The following CSMD1 variants were observed in gnomAD, a reference collection of about 807,000 sequenced individuals.
The protein encoded by CSMD1 is CUB and sushi domain-containing protein 1.
A neutral mutation model predicts 417.5 loss-of-function variants in CSMD1; 213 were observed. The ratio of observed to expected loss-of-function variants is 0.51; its 90% CI spans 0.46 to 0.57. The LOEUF (loss-of-function observed/expected upper bound fraction) is 0.57. Ranked by LOEUF, CSMD1 falls within the 20% of genes least tolerant of loss-of-function variation. The pLI is 0.00. For missense variants in CSMD1, 6,923 were observed against 4,529.7 expected (o/e 1.53, Z -15.17); for synonymous variants, 2,862 against 1,736.8 (o/e 1.65, Z -16.11).
intron 49 of CSMD1, 58 bp downstream of exon 49, chr8:3,087,039 G>A: frequency 4.3e-6 from 6 of 1,411,454 alleles, no homozygotes; most frequent in Admixed American, 1.7e-5. Flanking sequence ...TTCAGAGAGT[G>A]ATTAAAATGA....
chr8:4,650,879 C>G (rs1803852766), intron 1 of CSMD1, among the ~76,000 whole-genome samples: 1 of 152,182 alleles, frequency 6.6e-6, no homozygotes, highest in African/African-American at 2.4e-5. Flanking sequence ...AGTATGTGAA[C>G]AGAAGTGTTG....
At chr8:3,211,665 G>A (rs1426968158) in intron 30 of CSMD1, among the ~76,000 whole-genome samples, 1 of 152,216 alleles carries the variant, frequency 6.6e-6, no homozygotes, top group Non-Finnish European at 1.5e-5. Flanking sequence ...GAGTGACACA[G>A]ACGGGAGGAG....
intron 2 of CSMD1, among the ~76,000 whole-genome samples, chr8:4,533,510 G>A (rs551160695): frequency 2.0e-5 from 3 of 152,154 alleles, no homozygotes; most frequent in Non-Finnish European, 4.4e-5. Flanking sequence ...CACTCTTGAA[G>A]AACATAGTAC....
At chr8:2,990,778 T>C (rs1302229159) in intron 54 of CSMD1, among the ~76,000 whole-genome samples, 1 of 152,118 alleles carries the variant, frequency 6.6e-6, no homozygotes, top group African/African-American at 2.4e-5. Context: ...ATAATCCCCA[T>C]GTATTTGTTC....
chr8:3,251,240 A>G (rs1215068264), intron 26 of CSMD1, among the ~76,000 whole-genome samples: 7 of 152,172 alleles, frequency 4.6e-5, no homozygotes, highest in African/African-American at 1.4e-4. Context: ...TAATTTTTGT[A>G]TAAGGTGTAA....
intron 40 of CSMD1, among the ~76,000 whole-genome samples, chr8:3,150,162 AGAGT>A (rs1428180292): frequency 1.3e-5 from 2 of 152,098 alleles, no homozygotes; most frequent in Non-Finnish European, 2.9e-5. Flanking sequence ...ATGCTCAGAG[AGAGT>A]ATGACTGAAA....
At chr8:3,428,920 G>T (rs890295033) in intron 12 of CSMD1, among the ~76,000 whole-genome samples, 2 of 152,208 alleles carry the variant, frequency 1.3e-5, no homozygotes, top group East Asian at 1.9e-4. Context: ...ACTTTGTTAA[G>T]TAAAGTGAGC....
At chr8:3,908,932 C>G (rs1244334002) in intron 5 of CSMD1, among the ~76,000 whole-genome samples, 1 of 152,228 alleles carries the variant, frequency 6.6e-6, no homozygotes, top group Non-Finnish European at 1.5e-5. Context: ...TTTGCAAGCG[C>G]TGGCAAACAG....
intron 10 of CSMD1, among the ~76,000 whole-genome samples, chr8:3,551,282 T>C (rs1168519836): frequency 6.6e-6 from 1 of 152,200 alleles, no homozygotes; most frequent in South Asian, 2.1e-4. Flanking sequence ...TTTTCTGTAC[T>C]ACAGGACTGT....
At chr8:4,217,184 T>C (rs1428322342) in intron 3 of CSMD1, among the ~76,000 whole-genome samples, 4 of 152,336 alleles carry the variant, frequency 2.6e-5, no homozygotes, top group South Asian at 2.1e-4. Context: ...ATGCCGCTGC[T>C]TATCATGCAA....
intron 3 of CSMD1, among the ~76,000 whole-genome samples, chr8:4,109,490 C>T (rs1241499468): frequency 6.6e-6 from 1 of 152,282 alleles, no homozygotes; most frequent in Non-Finnish European, 1.5e-5. Flanking sequence ...CAATCCCATA[C>T]ATGCTGTGCA....
chr8:4,151,105 C>A, intron 3 of CSMD1, among the ~76,000 whole-genome samples: 1 of 152,144 alleles, frequency 6.6e-6, no homozygotes, highest in African/African-American at 2.4e-5. Context: ...ATCCTTCTCC[C>A]AGCAGAAGAT....
At chr8:4,476,906 C>G (rs562338573) in intron 2 of CSMD1, among the ~76,000 whole-genome samples, 1 of 152,216 alleles carries the variant, frequency 6.6e-6, no homozygotes, top group African/African-American at 2.4e-5. Flanking sequence ...CCCAGGGAAT[C>G]AAGGGTGAAA....
intron 1 of CSMD1, among the ~76,000 whole-genome samples, chr8:4,730,884 G>A (rs1412075060): frequency 1.3e-5 from 2 of 149,900 alleles, no homozygotes; most frequent in African/African-American, 2.4e-5. Context: ...CTTGAGAAAG[G>A]CTTTCCTGTG....
intron 1 of CSMD1, among the ~76,000 whole-genome samples, chr8:4,920,659 T>A (rs1369252535): frequency 3.0e-4 from 45 of 151,512 alleles, no homozygotes; most frequent in Non-Finnish European, 1.5e-5. Context: ...CTGTATTTAG[T>A]AAATACCAAA....
intron 33 of CSMD1, among the ~76,000 whole-genome samples, chr8:3,196,542 C>G (rs905203887): frequency 6.6e-6 from 1 of 152,278 alleles, no homozygotes; most frequent in East Asian, 1.9e-4. Flanking sequence ...TACAGATACT[C>G]TTATACTTCA....
At chr8:4,140,333 C>G (rs2680608) in intron 3 of CSMD1, among the ~76,000 whole-genome samples, 30,232 of 150,704 alleles carry the variant, frequency 0.2, 3,624 homozygotes, top group East Asian at 0.32. Flanking sequence ...CCCATCTCTA[C>G]TAAAACAATA....
At chr8:4,189,590 A>G (rs774322514) in intron 3 of CSMD1, among the ~76,000 whole-genome samples, 2 of 152,200 alleles carry the variant, frequency 1.3e-5, no homozygotes, top group Non-Finnish European at 2.9e-5. Context: ...ATACTATGTT[A>G]GTTGATTAGT....
intron 7 of CSMD1, among the ~76,000 whole-genome samples, chr8:3,699,898 ATATCCCATAACTACAT>A (rs1563286164): frequency 7.4e-4 from 97 of 131,286 alleles, no homozygotes; most frequent in African/African-American, 2.6e-3. Context: ...TCCCTGGGTT[ATATCCCATAACTACAT>A]CCCTGGGTTA....
Sources: allele counts gnomAD v4.1 joint callset (sites outside exome capture counted in the v4.1 genomes callset), GRCh38; gene constraint gnomAD v4.1.1; transcripts MANE v1.5; gene names NCBI Gene and HGNC (gene_info 2026-07-23, HGNC 2026-07-21).